The following GABPB1 variants were observed in gnomAD, a reference collection of about 807,000 sequenced individuals.
The protein encoded by GABPB1 is GA-binding protein subunit beta-1.
A neutral mutation model predicts 45.9 loss-of-function variants in GABPB1; 15 were observed. The ratio of observed to expected loss-of-function variants is 0.33; its 90% CI spans 0.22 to 0.50. GABPB1 has a LOEUF of 0.50. Among genes scored for constraint, GABPB1 ranks in the 20% least tolerant of loss-of-function variants. The probability of loss-of-function intolerance (pLI) is 0.98; values close to 1 mark genes in which losing one functional copy is unlikely to be tolerated. For synonymous variants in GABPB1, 143 were observed against 154.4 expected (o/e 0.93, Z 0.55); for missense variants, 252 against 457.5 (o/e 0.55, Z 4.10).
chr15:50,307,047 G>A (rs985435926), intron 2 of GABPB1, among the ~76,000 whole-genome samples: 9 of 151,852 alleles, frequency 5.9e-5, no homozygotes, highest in Non-Finnish European at 1.2e-4. Flanking sequence ...TATGTTTCAG[G>A]CACATGAACA....
chr15:50,316,435 A>G (rs2047331651), intron 1 of GABPB1, among the ~76,000 whole-genome samples: 1 of 152,216 alleles, frequency 6.6e-6, no homozygotes, highest in South Asian at 2.1e-4. Flanking sequence ...AAATAAGAAT[A>G]TGAATTTTTA....
chr15:50,345,198 C>A (rs1325677656), intron 1 of GABPB1, among the ~76,000 whole-genome samples: 1 of 152,112 alleles, frequency 6.6e-6, no homozygotes, highest in Non-Finnish European at 1.5e-5. Flanking sequence ...AAGGAGAGAA[C>A]ATTAAAAAGC....
At chr15:50,354,322 C>A (rs756783365) in intron 1 of GABPB1, 1 of 447,468 alleles carries the variant, frequency 2.2e-6, no homozygotes, top group South Asian at 1.6e-5. Flanking sequence ...GGACTCCAGT[C>A]CCCGCGGCCA....
At chr15:50,287,026 ATATT>A (rs1294981049) in intron 7 of GABPB1, among the ~76,000 whole-genome samples, 1 of 152,226 alleles carries the variant, frequency 6.6e-6, no homozygotes, top group African/African-American at 2.4e-5. Flanking sequence ...AGTAAAACTA[ATATT>A]TATTTAGTAC....
At chr15:50,350,814 T>C (rs1371697798) in intron 1 of GABPB1, 3 of 152,218 alleles carry the variant, frequency 2.0e-5, no homozygotes, top group African/African-American at 7.2e-5. Flanking sequence ...TGAAATCTGC[T>C]TCTTTTAAAC....
intron 6 of GABPB1, among the ~76,000 whole-genome samples, chr15:50,296,547 G>A (rs1183896160): frequency 6.6e-6 from 1 of 152,164 alleles, no homozygotes; most frequent in East Asian, 1.9e-4. Context: ...GTACATTATA[G>A]AGGTCACAGA....
intron 1 of GABPB1, among the ~76,000 whole-genome samples, chr15:50,345,638 T>G (rs1267153781): frequency 6.6e-6 from 1 of 152,250 alleles, no homozygotes; most frequent in Non-Finnish European, 1.5e-5. Flanking sequence ...ATGCAGCAGA[T>G]AGCTAGAAAG....
chr15:50,346,410 A>G (rs1386667643), intron 1 of GABPB1: 2 of 152,212 alleles, frequency 1.3e-5, no homozygotes, highest in Admixed American at 1.3e-4. Context: ...GAGGGAAAAC[A>G]GAAGAAATCG....
chr15:50,309,525 A>G (rs2141048504), intron 2 of GABPB1, among the ~76,000 whole-genome samples, 166 bp downstream of exon 2: 1 of 152,352 alleles, frequency 6.6e-6, no homozygotes, highest in South Asian at 2.1e-4. Context: ...AAAGAAAATA[A>G]TATAAACCAC....
intron 1 of GABPB1, among the ~76,000 whole-genome samples, chr15:50,345,315 T>C (rs1321906837): frequency 6.6e-6 from 1 of 152,212 alleles, no homozygotes; most frequent in Non-Finnish European, 1.5e-5. Context: ...AATTATGCTA[T>C]TCCAAAACTG....
At chr15:50,351,816 G>C (rs992356840) in intron 1 of GABPB1, 15 of 152,180 alleles carry the variant, frequency 9.9e-5, no homozygotes, top group Admixed American at 9.2e-4. Flanking sequence ...ATCTCATCTA[G>C]TGCTAGATTT....
Position 50,276,032 on chromosome 15 carries a change from GA to G in GABPB1, c.*2599del, listed in dbSNP as rs1228119686. 1.3e-5 allele frequency: 2 copies of G among 152,174 alleles called. No homozygotes were observed. The highest frequency in any genetic ancestry group is 4.8e-5 in the African/African-American group (2 of 41,450). 9.4% of individuals were successfully genotyped at this position (152,174 alleles called of 1,614,324 possible). A position where few individuals can be genotyped will look rare whatever the true frequency, so the allele number is the denominator to read the frequency against. Reference sequence around the variant, plus strand: ...AGAACGATTCTAGGTGCACAGGAAAGAAAATAATTCATTACACCATAACACT... The same window carrying G: ...AGAACGATTCTAGGTGCACAGGAAAGAAATAATTCATTACACCATAACACT... On this transcript the variant is annotated 3_prime_UTR_variant, in exon 9 of 9. Transcript: ENST00000380877.
intron 1 of GABPB1, among the ~76,000 whole-genome samples, chr15:50,324,371 C>G (rs572460388): frequency 1.3e-5 from 2 of 152,144 alleles, no homozygotes; most frequent in African/African-American, 4.8e-5. Flanking sequence ...TAGAGAGGGG[C>G]TGTACTGCCT....
chr15:50,354,401 G>A (rs894883070), intron 1 of GABPB1: 82 of 451,730 alleles, frequency 1.8e-4, no homozygotes, highest in African/African-American at 1.6e-3. Flanking sequence ...TGGTCCGGCC[G>A]ATCCCGCCGC....
intron 1 of GABPB1, among the ~76,000 whole-genome samples, chr15:50,324,216 A>C (rs980870314): frequency 2.0e-5 from 3 of 149,870 alleles, no homozygotes; most frequent in African/African-American, 7.6e-5. Context: ...AAAAAAAAAA[A>C]ATTTTTTTTA....
intron 2 of GABPB1, among the ~76,000 whole-genome samples, chr15:50,304,613 A>G (rs565885358): frequency 6.6e-6 from 1 of 152,040 alleles, no homozygotes; most frequent in African/African-American, 2.4e-5. Context: ...CAGGAGGCTA[A>G]GGCAGGAGAA....
At chr15:50,293,041 A>G (rs1440690363) in intron 6 of GABPB1, among the ~76,000 whole-genome samples, 1 of 152,188 alleles carries the variant, frequency 6.6e-6, no homozygotes, top group Non-Finnish European at 1.5e-5. Flanking sequence ...ATTAAAAATT[A>G]TTTCTAAATG....
chr15:50,346,401 AG>A lies in GABPB1; in HGVS notation c.-1+8583del, dbSNP rs540623490. On this transcript the variant is annotated intron_variant, in intron 1 of 8. Coordinates refer to ENST00000380877, the MANE Select transcript of GABPB1 (RefSeq NM_016654.5). ...CTCCACAAATATGCTGTGACCTGTG[AG>A]GGAAAACAGAAGAAATCGATGGTGG... 3.3e-3 allele frequency: 510 copies of A among 152,286 alleles called. 2 individuals are homozygous for A. The highest frequency in any genetic ancestry group is 4.8e-3 in the Non-Finnish European group (329 of 68,036). The allele number at this position is 152,286 out of a possible 1,614,324, so 9.4% of individuals were successfully genotyped here.
At chr15:50,295,958 T>A (rs969709911) in intron 6 of GABPB1, among the ~76,000 whole-genome samples, 1 of 152,236 alleles carries the variant, frequency 6.6e-6, no homozygotes, top group African/African-American at 2.4e-5. Flanking sequence ...AAGGTTCTCA[T>A]AGGACTACCA....
Sources: allele counts gnomAD v4.1 joint callset (sites outside exome capture counted in the v4.1 genomes callset), GRCh38; gene constraint gnomAD v4.1.1; transcripts MANE v1.5; gene names NCBI Gene and HGNC (gene_info 2026-07-23, HGNC 2026-07-21).